Variants in BICD1 observed in about 807,000 individuals in gnomAD.
BICD1 encodes the protein protein bicaudal D homolog 1.
A neutral mutation model predicts 92.5 loss-of-function variants in BICD1; 35 were observed. That is an observed-to-expected ratio of 0.38 (90% CI 0.29 to 0.50). The LOEUF (loss-of-function observed/expected upper bound fraction) is 0.50. BICD1 is among the 20% of genes least tolerant of loss of function. The pLI is 0.93. For missense variants in BICD1, 950 were observed against 1,189.8 expected, an observed-to-expected ratio of 0.80 and a Z score of 2.97; for synonymous variants, 429 against 465.1, an observed-to-expected ratio of 0.92 and a Z score of 1.00.
intron 4 of BICD1, among the ~76,000 whole-genome samples, chr12:32,325,975 G>T (rs1279791503): frequency 6.6e-6 from 1 of 151,438 alleles, no homozygotes; most frequent in African/African-American, 2.4e-5. Context: ...CCCAGCTACT[G>T]GGGAGGCTGA....
chr12:32,349,013 A>C (rs981737971), intron 8 of BICD1, among the ~76,000 whole-genome samples: 1 of 152,044 alleles, frequency 6.6e-6, no homozygotes, highest in African/African-American at 2.4e-5. Context: ...CTAGCCTACA[A>C]CACCAAATCC....
intron 1 of BICD1, among the ~76,000 whole-genome samples, chr12:32,203,983 T>G (rs1944980251): frequency 6.6e-6 from 1 of 152,028 alleles, no homozygotes; most frequent in Non-Finnish European, 1.5e-5. Context: ...TACATGTAAC[T>G]GACAAATTAA....
chr12:32,245,841 C>G (rs1201263717), intron 2 of BICD1, among the ~76,000 whole-genome samples: 2 of 150,924 alleles, frequency 1.3e-5, no homozygotes, highest in African/African-American at 4.9e-5. Flanking sequence ...ACCAGTCTGG[C>G]CAACATAGTG....
chr12:32,230,296 A>G (rs2650146), intron 2 of BICD1, among the ~76,000 whole-genome samples: 63,038 of 151,592 alleles, frequency 0.42, 13,442 homozygotes, highest in Middle Eastern at 0.47. Context: ...GCACCTTAGG[A>G]GGCTGAGATG....
intron 1 of BICD1, among the ~76,000 whole-genome samples, chr12:32,194,598 T>C (rs1488879543): frequency 2.0e-5 from 3 of 152,014 alleles, no homozygotes; most frequent in Non-Finnish European, 4.4e-5. Context: ...AAGAATAAAA[T>C]AGGCCAGGCG....
chr12:32,360,428 G>T (rs753965286), intron 8 of BICD1, among the ~76,000 whole-genome samples: 6 of 152,166 alleles, frequency 3.9e-5, no homozygotes, highest in Non-Finnish European at 8.8e-5. Flanking sequence ...TCTCTAAACT[G>T]TAGACCAACA....
intron 1 of BICD1, among the ~76,000 whole-genome samples, chr12:32,116,950 T>A (rs971447488): frequency 2.6e-5 from 4 of 151,286 alleles, no homozygotes; most frequent in African/African-American, 9.7e-5. Flanking sequence ...CTCACTTTTC[T>A]TCTGGATTCA....
At chr12:32,143,765 G>A (rs10771917) in intron 1 of BICD1, among the ~76,000 whole-genome samples, 1 of 152,038 alleles carries the variant, frequency 6.6e-6, no homozygotes, top group Non-Finnish European at 1.5e-5. Flanking sequence ...TTCCAGCAGT[G>A]TATGAGAATT....
Position 32,337,881 on chromosome 12 carries a change from A to ATG in BICD1, c.2570+68_2570+69dup. 2 of 1,549,834 alleles carry ATG rather than the reference A, an allele frequency of 1.3e-6. No homozygotes were observed. Among genetic ancestry groups the ATG allele is most frequent in the Non-Finnish European group, 1.8e-6 (2 of 1,124,022 alleles). On this transcript the variant is annotated intron_variant, in intron 7 of 9. Transcript: ENST00000652176. This position sits in a 1 kb window ranked among gnomAD's most constrained non-coding sequence, Gnocchi z 4.7. ...AGATTTTAGTTAACTGCAAAAATAAATGTGCTCTTGTTGTGGAGGATGGAG... is the reference window on the plus strand; with the variant it reads ...AGATTTTAGTTAACTGCAAAAATAAATGTGTGCTCTTGTTGTGGAGGATGGAG...
intron 9 of BICD1, 55 bp downstream of exon 9, chr12:32,367,800 C>G: frequency 6.6e-7 from 1 of 1,504,908 alleles, no homozygotes; most frequent in Non-Finnish European, 9.2e-7. Flanking sequence ...TCCATAGACC[C>G]CAGCTCCCCT....
At chr12:32,175,553 G>C (rs905517114) in intron 1 of BICD1, among the ~76,000 whole-genome samples, 3 of 152,138 alleles carry the variant, frequency 2.0e-5, no homozygotes, top group Non-Finnish European at 2.9e-5. Flanking sequence ...CTGACCTCGG[G>C]TGATCCACCC....
chr12:32,255,083 T>A (rs1732119488), intron 2 of BICD1, among the ~76,000 whole-genome samples: 2 of 152,082 alleles, frequency 1.3e-5, no homozygotes, highest in Non-Finnish European at 2.9e-5. Flanking sequence ...TGTCTGCTGA[T>A]TTGGTTCCTG....
In BICD1 at chr12:32,107,233, T is replaced by A; in HGVS notation, c.-99T>A. ...CATCCGGCCGCACTTTCTTTTCCGT[T>A]TCCACCCATCCCTTCCCATTTCCTT... On this transcript the variant is annotated 5_prime_UTR_variant, in exon 1 of 10. Transcript: ENST00000652176. 1.7e-6 allele frequency: 2 copies of A among 1,168,576 alleles called. No individual in the cohort carries two copies. The highest frequency in any genetic ancestry group is 2.4e-6 in the Non-Finnish European group (2 of 831,608). 72.4% of individuals were successfully genotyped at this position (1,168,576 alleles called of 1,614,324 possible). A position where few individuals can be genotyped will look rare whatever the true frequency, so the allele number is the denominator to read the frequency against.
At chr12:32,260,144 C>T (rs186107315) in intron 2 of BICD1, among the ~76,000 whole-genome samples, 5 of 152,230 alleles carry the variant, frequency 3.3e-5, no homozygotes, top group East Asian at 3.9e-4. Context: ...AGGCTGGTCT[C>T]GAACTCCCCA....
intron 1 of BICD1, among the ~76,000 whole-genome samples, chr12:32,116,766 G>A (rs754508470): frequency 6.6e-6 from 1 of 151,602 alleles, no homozygotes; most frequent in Non-Finnish European, 1.5e-5. Context: ...TATTTGCAGA[G>A]ATGAGGTTTT....
intron 8 of BICD1, among the ~76,000 whole-genome samples, chr12:32,356,778 C>G (rs1277170006): frequency 6.6e-6 from 1 of 152,194 alleles, no homozygotes; most frequent in African/African-American, 2.4e-5. Flanking sequence ...TGGAGAGCAC[C>G]TTTGTGCTAT....
chr12:32,154,649 A>G (rs1437455858), intron 1 of BICD1, among the ~76,000 whole-genome samples: 1 of 152,234 alleles, frequency 6.6e-6, no homozygotes. Flanking sequence ...CAATGAATGT[A>G]GCTCGTGGTG....
chr12:32,357,075 G>A (rs112167007), intron 8 of BICD1, among the ~76,000 whole-genome samples: 3,465 of 149,404 alleles, frequency 0.023, 135 homozygotes, highest in African/African-American at 0.08. Context: ...GTGATGGCGC[G>A]ATCTCGGCTC....
At position 32,132,675 on chromosome 12, in the gene BICD1, G is replaced by C. The variant is rs567820967; in HGVS notation, c.213+25131G>C. ...CCAGGACCCCAAAAGACTCCAGTGT[G>C]GCAGTTGTTGGGGAGGGGGAATGTG... On this transcript the variant is annotated intron_variant, in intron 1 of 9. Transcript: ENST00000652176. Among the ~76,000 whole-genome samples the C allele has an allele frequency of 1.7e-4, 26 of 152,346 alleles. No individual in the cohort carries two copies. The South Asian group carries it at 5.0e-3, about 29-fold the overall frequency.
Sources: allele counts gnomAD v4.1 joint callset (sites outside exome capture counted in the v4.1 genomes callset), GRCh38; gene constraint gnomAD v4.1.1; non-coding constraint Gnocchi (gnomAD v3.1); transcripts MANE v1.5; gene names NCBI Gene and HGNC (gene_info 2026-07-23, HGNC 2026-07-21).